The following ERI1 variants were observed in gnomAD, a reference collection of about 807,000 sequenced individuals.
ERI1 encodes 3'-5' exoribonuclease 1.
In ERI1, 39 loss-of-function variants were observed where a neutral mutation model predicts 39.7. The ratio of observed to expected loss-of-function variants is 0.98; its 90% CI spans 0.76 to 1.28. The LOEUF (loss-of-function observed/expected upper bound fraction) is 1.28. Ranked by LOEUF, ERI1 falls within the 50% of genes most tolerant of loss-of-function variation. The probability of loss-of-function intolerance (pLI) is 0.00; values close to 1 mark genes in which losing one functional copy is unlikely to be tolerated. For missense variants in ERI1, 581 were observed against 416.9 expected, an observed-to-expected ratio of 1.39 and a Z score of -3.43; for synonymous variants, 204 against 149.6, an observed-to-expected ratio of 1.36 and a Z score of -2.65.
intron 3 of ERI1, among the ~76,000 whole-genome samples, chr8:9,070,366 T>C (rs1799010626): frequency 6.6e-6 from 1 of 152,114 alleles, no homozygotes; most frequent in Non-Finnish European, 1.5e-5. Context: ...CTCCCACATA[T>C]AATCCTAGCC....
At chr8:9,062,301 G>C (rs997135344) in intron 3 of ERI1, among the ~76,000 whole-genome samples, 2 of 151,916 alleles carry the variant, frequency 1.3e-5, no homozygotes, top group African/African-American at 2.4e-5. Flanking sequence ...GCGGGGATAC[G>C]AGAGGAGAAT....
rs116162852 is a variant in ERI1, at chr8:9,087,210, C to G, written n.300-29138C>G. On this transcript the variant is annotated intron_variant and non_coding_transcript_variant, in intron 3 of 3. Transcript: ENST00000518663. ...TGCTCTCCCTCCCCTTGCCCCCCAC[C>G]TTCATCTTATTTTTATTTATTTTTA... 5.8e-3 allele frequency among the ~76,000 whole-genome samples: 873 copies of G among 151,554 alleles called. 8 individuals are homozygous for G. The highest frequency in any genetic ancestry group is 0.02 in the African/African-American group (846 of 41,390).
At position 9,033,170 on chromosome 8, in the gene ERI1, CA is replaced by C. The variant is rs1563343967; in HGVS notation, c.*3137del. On this transcript the variant is annotated 3_prime_UTR_variant, in exon 7 of 7. Coordinates refer to ENST00000250263, the MANE Select transcript of ERI1 (RefSeq NM_153332.4). ...AGCCCGTAAATTTGTTAATCTAGAG[CA>C]GGGGTCAGCAAACTACCACCCATGG... is the stretch of plus-strand genomic sequence containing the variant. The C allele has an allele frequency of 6.8e-6, 1 of 146,260 alleles. No homozygotes were observed. Among genetic ancestry groups the C allele is most frequent in the African/African-American group, 2.6e-5 (1 of 39,130 alleles). 9.1% of individuals were successfully genotyped at this position (146,260 alleles called of 1,614,324 possible).
intron 6 of ERI1, among the ~76,000 whole-genome samples, chr8:9,024,912 A>C (rs1427511873): frequency 2.0e-5 from 3 of 150,560 alleles, no homozygotes; most frequent in Non-Finnish European, 3.0e-5. Flanking sequence ...GAAATTAGAC[A>C]ATTTCTGCCT....
intron 3 of ERI1, among the ~76,000 whole-genome samples, chr8:9,068,606 G>A (rs577005854): frequency 3.3e-5 from 5 of 152,006 alleles, no homozygotes; most frequent in East Asian, 1.9e-4. Context: ...CTCCTCCCTC[G>A]CCTTTAGGGT....
intron 3 of ERI1, among the ~76,000 whole-genome samples, chr8:9,093,356 A>G (rs62494394): frequency 0.063 from 9,639 of 152,260 alleles, 448 homozygotes; most frequent in Non-Finnish European, 0.097. Flanking sequence ...AGGTTGGACA[A>G]GCTTGAAACA....
intron 6 of ERI1, 145 bp from the exon 7 acceptor site, chr8:9,029,647 C>G: frequency 2.0e-6 from 2 of 1,002,094 alleles, no homozygotes; most frequent in Non-Finnish European, 2.9e-6. Context: ...TTTTATTTGC[C>G]TTATTTGAGT....
chr8:9,035,232 T>C (rs1475900622), downstream of ERI1, among the ~76,000 whole-genome samples: 1 of 152,106 alleles, frequency 6.6e-6, no homozygotes, highest in African/African-American at 2.4e-5. Flanking sequence ...AGATAACTAA[T>C]GAAGGTGGCC....
At chr8:9,071,234 T>C (rs920974) in intron 3 of ERI1, among the ~76,000 whole-genome samples, 47,283 of 152,166 alleles carry the variant, frequency 0.31, 8,626 homozygotes, top group East Asian at 0.74. Context: ...TCCTAACCAC[T>C]GTAATAAATC....
chr8:9,098,336 A>G (rs1354214328), intron 3 of ERI1, among the ~76,000 whole-genome samples: 1 of 152,246 alleles, frequency 6.6e-6, no homozygotes, highest in Admixed American at 6.5e-5. Flanking sequence ...CCTGGCCAAC[A>G]TGGTGAAACC....
chr8:9,039,408 A>G (rs1011091967), intron 3 of ERI1, among the ~76,000 whole-genome samples: 10 of 152,228 alleles, frequency 6.6e-5, no homozygotes, highest in African/African-American at 2.2e-4. Context: ...TTTGTCAGAA[A>G]AAGGTCTGGC....
downstream of ERI1, among the ~76,000 whole-genome samples, chr8:9,036,869 GTTTT>G (rs1797861761): frequency 6.6e-6 from 1 of 152,104 alleles, no homozygotes; most frequent in Non-Finnish European, 1.5e-5. Context: ...ACATAGACCT[GTTTT>G]CCCTTTGGAT....
Position 9,021,631 on chromosome 8 carries a change from T to C in ERI1, c.807+1167T>C, listed in dbSNP as rs890210477. 7.9e-5 allele frequency among the ~76,000 whole-genome samples: 12 copies of C among 152,168 alleles called. No homozygotes were observed. In the South Asian group the frequency reaches 1.9e-3, roughly 24 times the overall value. ...CCTTCCTTCCTCCTGGAGTTAACCC[T>C]AATTCTTCCTTTCATGGTAATCATT... On this transcript the variant is annotated intron_variant, in intron 6 of 6. Coordinates refer to ENST00000250263, the MANE Select transcript of ERI1 (RefSeq NM_153332.4).
At chr8:9,086,559 C>T (rs751812352) in intron 3 of ERI1, among the ~76,000 whole-genome samples, 6 of 152,046 alleles carry the variant, frequency 3.9e-5, no homozygotes, top group Non-Finnish European at 7.4e-5. Context: ...ACTAGGCAAC[C>T]GACCAACCAA....
chr8:9,016,940 G>A (rs112415919), intron 4 of ERI1, among the ~76,000 whole-genome samples: 51 of 152,274 alleles, frequency 3.3e-4, no homozygotes, highest in African/African-American at 1.1e-3. Context: ...GCCTCGGCCT[G>A]CCAAAGTGCT....
rs1470131429 is a variant in ERI1, at chr8:9,031,548, C to T, written c.*1514C>T. 1 of 152,176 alleles carries T rather than the reference C, an allele frequency of 6.6e-6. No homozygotes were observed. The highest frequency in any genetic ancestry group is 1.9e-4 in the East Asian group (1 of 5,196). The allele number at this position is 152,176 out of a possible 1,614,324, so 9.4% of individuals were successfully genotyped here. ...AGATGTTTGTGCATCCCAGATAGCA[C>T]TGTACAATAACCTGTAAAGTATTAC... On this transcript the variant is annotated 3_prime_UTR_variant, in exon 7 of 7. Transcript: ENST00000250263.
intron 4 of ERI1, among the ~76,000 whole-genome samples, chr8:9,016,814 T>A (rs1235190260): frequency 6.6e-6 from 1 of 151,878 alleles, no homozygotes; most frequent in Non-Finnish European, 1.5e-5. Context: ...ACCTCCTGAG[T>A]AACTGGGACT....
chr8:9,035,649 A>G (rs1351987310), downstream of ERI1, among the ~76,000 whole-genome samples: 1 of 152,246 alleles, frequency 6.6e-6, no homozygotes, highest in African/African-American at 2.4e-5. Context: ...AAGGAGATTA[A>G]TGTTGGTTTT....
At chr8:9,075,741 C>A (rs369184314) in intron 3 of ERI1, among the ~76,000 whole-genome samples, 1 of 151,926 alleles carries the variant, frequency 6.6e-6, no homozygotes, top group East Asian at 1.9e-4. Context: ...GTAATGATCA[C>A]CCAGAGGTTA....
Sources: gnomAD v4.1 joint callset for allele counts (sites outside exome capture counted in the v4.1 genomes callset) on GRCh38, gnomAD v4.1.1 for gene constraint, MANE v1.5 for transcripts, NCBI Gene and HGNC (gene_info 2026-07-23, HGNC 2026-07-21) for gene names.